The following ZNF804B variants were observed in gnomAD, a reference collection of about 807,000 sequenced individuals.
ZNF804B encodes zinc finger protein 804B, also known as zinc finger 804B.
A neutral mutation model predicts 101.4 loss-of-function variants in ZNF804B; 80 were observed. The observed-to-expected ratio is 0.79, with a 90% CI of 0.66 to 0.95. The LOEUF (loss-of-function observed/expected upper bound fraction) is 0.95. Among genes scored for constraint, ZNF804B ranks in the 40% least tolerant of loss-of-function variants. The pLI, the probability that ZNF804B is intolerant of heterozygous loss-of-function variation, is 0.00. For missense variants in ZNF804B, 1,673 were observed against 1,561.9 expected (o/e 1.07, Z -1.20); for synonymous variants, 622 against 558.8 (o/e 1.11, Z -1.59).
chr7:88,902,041 T>G (rs1257298205), intron 1 of ZNF804B, among the ~76,000 whole-genome samples: 2 of 151,940 alleles, frequency 1.3e-5, no homozygotes, highest in Non-Finnish European at 1.5e-5. Flanking sequence ...TTAGATATTC[T>G]AACTTTAGTC....
At chr7:88,760,903 T>TAA (rs1562786486) in intron 1 of ZNF804B, among the ~76,000 whole-genome samples, 3,309 of 67,528 alleles carry the variant, frequency 0.049, 124 homozygotes, top group African/African-American at 0.3. Flanking sequence ...ATATAATAAA[T>TAA]ATATATATAA....
rs1392060706 is a variant in ZNF804B at position 89,333,835 on chromosome 7, C to T, written c.853C>T (p.Pro285Ser). The change falls in exon 4 of 4, where the codon CCA (proline) becomes TCA (serine). Residue 285 changes from proline to serine, a missense_variant. Pro to Ser is a moderately conservative substitution (Grantham distance 74). Transcript: ENST00000333190. ...CAAGGAAAAAGAGGTAAATATCTCA[C>T]CAAGCCATCTGGAAAGTGTTTTACA... The part of the protein sequence containing the change: ...LTKEKEVNIS[P>S]SHLESVLHNT... 3 of 1,613,262 alleles carry T rather than the reference C, an allele frequency of 1.9e-6. No individual in the cohort carries two copies. In the African/African-American group the frequency reaches 4.0e-5, roughly 22 times the overall value.
intron 2 of ZNF804B, among the ~76,000 whole-genome samples, chr7:89,279,153 G>C (rs1294639349): frequency 1.3e-5 from 2 of 152,070 alleles, no homozygotes; most frequent in African/African-American, 4.8e-5. Context: ...CTTTCTGTTT[G>C]TCTGTTATTG....
intron 1 of ZNF804B, among the ~76,000 whole-genome samples, chr7:89,022,301 C>G (rs1788679500): frequency 6.6e-6 from 1 of 152,186 alleles, no homozygotes. Flanking sequence ...TCATGTGCCT[C>G]TAGTCAGCCA....
At chr7:89,186,951 C>A (rs2115600842) in intron 1 of ZNF804B, among the ~76,000 whole-genome samples, 1 of 152,246 alleles carries the variant, frequency 6.6e-6, no homozygotes, top group East Asian at 1.9e-4. Flanking sequence ...CCTCCACAGG[C>A]AAACCACTTT....
At position 88,760,069 on chromosome 7, in the gene ZNF804B, C is replaced by T; in HGVS notation, c.93C>T (p.Asn31=). The stretch of plus-strand genomic sequence containing the variant: ...TCTTCAGGGGACCCCTGTGCAAGAA[C>T]GGATCTCCCTCTCCGGTAATGTGCG... ...KGVFRGPLCK[N]GSPSPDFAEK... Residue 31 remains asparagine (N), a synonymous_variant, in exon 1 of 4, where the codon AAC becomes AAT. Transcript: ENST00000333190. 2.5e-6 allele frequency: 4 copies of T among 1,614,130 alleles called. No homozygotes were observed. Among genetic ancestry groups the T allele is most frequent in the East Asian group, 2.2e-5 (1 of 44,878 alleles).
chr7:89,060,171 T>C (rs1337211710), intron 1 of ZNF804B, among the ~76,000 whole-genome samples: 1 of 152,100 alleles, frequency 6.6e-6, no homozygotes, highest in African/African-American at 2.4e-5. Context: ...TCATGGGACT[T>C]CTCAGCCACC....
At chr7:89,076,399 C>T (rs1789615634) in intron 1 of ZNF804B, among the ~76,000 whole-genome samples, 1 of 152,148 alleles carries the variant, frequency 6.6e-6, no homozygotes, top group Admixed American at 6.6e-5. Flanking sequence ...CTCTCTTTGC[C>T]TAACTCCATC....
chr7:88,822,944 C>T (rs556219023), intron 1 of ZNF804B, among the ~76,000 whole-genome samples: 43 of 152,140 alleles, frequency 2.8e-4, no homozygotes, highest in Non-Finnish European at 5.3e-4. Flanking sequence ...GACACAGTTG[C>T]TCATGCCTGT....
chr7:89,083,664 A>C (rs896577680), intron 1 of ZNF804B, among the ~76,000 whole-genome samples: 7 of 151,942 alleles, frequency 4.6e-5, no homozygotes, highest in African/African-American at 1.4e-4. Flanking sequence ...CCAATATAAA[A>C]ACAAAATTTC....
intron 1 of ZNF804B, among the ~76,000 whole-genome samples, chr7:89,103,075 T>TTG (rs1562885501): frequency 2.2e-5 from 3 of 136,280 alleles, no homozygotes; most frequent in Admixed American, 7.3e-5. Context: ...TTTTTTTTTT[T>TTG]TTTTTTTTAC....
At chr7:89,048,887 A>T (rs1394270397) in intron 1 of ZNF804B, among the ~76,000 whole-genome samples, 2 of 151,936 alleles carry the variant, frequency 1.3e-5, no homozygotes, top group African/African-American at 2.4e-5. Context: ...AGATGCTTTT[A>T]GAGAAGGCAA....
intron 1 of ZNF804B, among the ~76,000 whole-genome samples, chr7:88,912,121 C>T (rs1215325692): frequency 6.6e-6 from 1 of 151,882 alleles, no homozygotes; most frequent in Non-Finnish European, 1.5e-5. Flanking sequence ...AGTAATTGTA[C>T]TATTTTGCAC....
At chr7:89,090,519 T>C (rs1012531804) in intron 1 of ZNF804B, among the ~76,000 whole-genome samples, 3 of 152,096 alleles carry the variant, frequency 2.0e-5, no homozygotes, top group Non-Finnish European at 4.4e-5. Flanking sequence ...CAAAATATTG[T>C]ATATAGGTAT....
chr7:89,078,640 A>ATT (rs35025345), intron 1 of ZNF804B, among the ~76,000 whole-genome samples: 46 of 137,312 alleles, frequency 3.4e-4, no homozygotes, highest in East Asian at 1.9e-3. Context: ...GTCTAACACG[A>ATT]TTTTTTTTTT....
chr7:89,273,317 TAAGCTTTCTTTCTTTCAAAAA>T (rs148707260), intron 2 of ZNF804B, among the ~76,000 whole-genome samples: 37,250 of 151,928 alleles, frequency 0.25, 4,776 homozygotes, highest in Non-Finnish European at 0.27. Flanking sequence ...AGGAAGACAA[TAAGCTTTCTTTCTTTCAAAAA>T]AATGGTTTCA....
At chr7:88,959,538 T>A (rs1470907469) in intron 1 of ZNF804B, among the ~76,000 whole-genome samples, 4 of 151,414 alleles carry the variant, frequency 2.6e-5, no homozygotes, top group Non-Finnish European at 1.5e-5. Context: ...TATTCTACTT[T>A]CTTGAGAATA....
chr7:89,204,061 T>C (rs575621945), intron 1 of ZNF804B, among the ~76,000 whole-genome samples: 1 of 152,320 alleles, frequency 6.6e-6, no homozygotes, highest in South Asian at 2.1e-4. Context: ...CTCTCATAGA[T>C]GACTCTCACA....
At chr7:88,897,512 A>G (rs1258626831) in intron 1 of ZNF804B, among the ~76,000 whole-genome samples, 2 of 137,762 alleles carry the variant, frequency 1.5e-5, no homozygotes, top group African/African-American at 3.1e-5. Context: ...GGGATTAAAT[A>G]TGTGCTGTTT....
Sources: allele counts gnomAD v4.1 joint callset (sites outside exome capture counted in the v4.1 genomes callset), GRCh38; gene constraint gnomAD v4.1.1; transcripts MANE v1.5; gene names NCBI Gene and HGNC (gene_info 2026-07-23, HGNC 2026-07-21).